PTK2B: variants seen among roughly 807,000 people sequenced by gnomAD.
PTK2B encodes the protein protein tyrosine kinase 2 beta.
A neutral mutation model predicts 142.9 loss-of-function variants in PTK2B; 71 were observed. The ratio of observed to expected loss-of-function variants is 0.50; its 90% confidence interval spans 0.41 to 0.61. The LOEUF (loss-of-function observed/expected upper bound fraction) is 0.61, where lower values mean the gene tolerates loss of function less well. PTK2B is among the 20% of genes least tolerant of loss of function. The pLI is 0.00. For synonymous variants in PTK2B, 519 were observed against 503.4 expected (o/e 1.03, Z -0.42); for missense variants, 1,105 against 1,320.4 (o/e 0.84, Z 2.53).
rs760981859 is a variant in PTK2B, at chr8:27,445,794, G to T, written c.2215G>T (p.Val739Phe). ...NLLAPKLQFQ[V>F]PEGLCASSPT... is the part of the protein sequence containing the mutation. The stretch of plus-strand genomic sequence containing the variant: ...GTGCTTCTTTGCTTTTCCTGAATAG[G>T]TTCCTGAGGGTCTGTGTGCCAGCTC... Residue 739 changes from valine (V) to phenylalanine (F), a missense_variant and splice_region_variant, in exon 24 of 31, where the codon GTT (valine) becomes TTT (phenylalanine). Transcript: ENST00000346049. The T allele has an allele frequency of 6.2e-7, 1 of 1,613,504 alleles. No homozygotes were observed.
At position 27,459,011 on chromosome 8, in the gene PTK2B, T is replaced by C; in HGVS notation, c.*502T>C. On this transcript the variant is annotated 3_prime_UTR_variant, in exon 31 of 31. Coordinates refer to ENST00000346049, the MANE Select transcript of PTK2B (RefSeq NM_173176.3). Reference sequence around the variant, plus strand: ...GCCTGGCATTCTTGTACAGTGTATATTGAAATTTATTTAATGTGAGTTTGG... The same window carrying C: ...GCCTGGCATTCTTGTACAGTGTATACTGAAATTTATTTAATGTGAGTTTGG... The C allele has an allele frequency of 7.4e-6, 2 of 268,606 alleles. No individual in the cohort carries two copies. The highest frequency in any genetic ancestry group is 5.5e-5 in the East Asian group (1 of 18,120). 16.6% of individuals were successfully genotyped at this position (268,606 alleles called of 1,614,324 possible).
At chr8:27,389,553 AC>A (rs942245039) in intron 1 of PTK2B, among the ~76,000 whole-genome samples, 44 of 151,852 alleles carry the variant, frequency 2.9e-4, no homozygotes, top group African/African-American at 1.1e-3. Flanking sequence ...GCCCCGCAAG[AC>A]CCCCCCAAGC....
intron 1 of PTK2B, among the ~76,000 whole-genome samples, chr8:27,325,907 A>G (rs1803382294): frequency 6.6e-6 from 1 of 152,074 alleles, no homozygotes; most frequent in African/African-American, 2.4e-5. Flanking sequence ...AGTAAATTTG[A>G]CACTATAGGG....
chr8:27,374,582 A>G (rs1189279093), intron 1 of PTK2B, among the ~76,000 whole-genome samples: 1 of 152,222 alleles, frequency 6.6e-6, no homozygotes, highest in African/African-American at 2.4e-5. Flanking sequence ...GCTCTCACAT[A>G]GGCACTGTCC....
At chr8:27,370,331 A>C (rs1461056433) in intron 1 of PTK2B, among the ~76,000 whole-genome samples, 2 of 152,214 alleles carry the variant, frequency 1.3e-5, no homozygotes, top group Admixed American at 6.5e-5. Flanking sequence ...CGGATACCAG[A>C]GGGTGGGAAG....
chr8:27,433,946 G>T, intron 11 of PTK2B, 147 bp from the exon 12 acceptor site: 1 of 1,112,138 alleles, frequency 9.0e-7, no homozygotes, highest in Non-Finnish European at 1.4e-6. Flanking sequence ...TCTGGCCCAA[G>T]GCCTCACTAG....
At chr8:27,349,423 T>G (rs1177174603) in intron 1 of PTK2B, among the ~76,000 whole-genome samples, 1 of 152,232 alleles carries the variant, frequency 6.6e-6, no homozygotes, top group Non-Finnish European at 1.5e-5. Flanking sequence ...CCGTTAAATA[T>G]CCTCTTCCTG....
At chr8:27,381,671 G>T (rs1586199645) in intron 1 of PTK2B, among the ~76,000 whole-genome samples, 1 of 152,294 alleles carries the variant, frequency 6.6e-6, no homozygotes, top group Middle Eastern at 3.4e-3. Context: ...ATCCCTAGTA[G>T]TGGGATTGCT....
intron 30 of PTK2B, among the ~76,000 whole-genome samples, chr8:27,455,638 A>G (rs1157263746): frequency 6.6e-6 from 1 of 152,260 alleles, no homozygotes; most frequent in Non-Finnish European, 1.5e-5. Flanking sequence ...GCCGCAGGCC[A>G]AGGAAGGCAG....
chr8:27,418,830 C>T (rs1050288830), intron 2 of PTK2B, among the ~76,000 whole-genome samples: 1 of 152,122 alleles, frequency 6.6e-6, no homozygotes, highest in Non-Finnish European at 1.5e-5. Flanking sequence ...GAGTTTGAGA[C>T]CAGCCTGGCC....
intron 1 of PTK2B, among the ~76,000 whole-genome samples, chr8:27,329,616 G>A (rs1803621808): frequency 6.6e-6 from 1 of 152,146 alleles, no homozygotes; most frequent in Non-Finnish European, 1.5e-5. Context: ...CGTGCCCGGG[G>A]CTGAAAGTGT....
At chr8:27,349,260 C>T (rs1186023948) in intron 1 of PTK2B, among the ~76,000 whole-genome samples, 1 of 152,120 alleles carries the variant, frequency 6.6e-6, no homozygotes, top group Non-Finnish European at 1.5e-5. Context: ...GTTTTTTGGT[C>T]TTAACTGTAT....
In PTK2B at chr8:27,450,858, A is replaced by G. The variant is rs1811759944; in HGVS notation, c.2450A>G (p.Glu817Gly). The G allele has an allele frequency of 6.2e-7, 1 of 1,614,076 alleles. No homozygotes were observed. Among genetic ancestry groups the G allele is most frequent in the Non-Finnish European group, 8.5e-7 (1 of 1,180,040 alleles). The change falls in exon 25 of 31, where the codon GAG becomes GGG. Residue 817 changes from glutamate (E) to glycine (G), a missense_variant. Physicochemically the swap from Glu to Gly is moderately conservative, Grantham distance 98. Transcript: ENST00000346049. ...GACAAACAGCAGAAGCAGATGGTGG[A>G]GGACTACCAGTGGCTCAGGCAGGAG... is the stretch of plus-strand genomic sequence containing the variant. ...ILDKQQKQMV[E>G]DYQWLRQEEK...
chr8:27,441,508 C>T (rs1811156039), intron 21 of PTK2B, among the ~76,000 whole-genome samples: 1 of 152,098 alleles, frequency 6.6e-6, no homozygotes, highest in Admixed American at 6.5e-5. Context: ...GATTTTAGGG[C>T]AAGTAAACAG....
chr8:27,335,212 C>T (rs1803986305), intron 1 of PTK2B, among the ~76,000 whole-genome samples: 1 of 152,236 alleles, frequency 6.6e-6, no homozygotes, highest in African/African-American at 2.4e-5. Flanking sequence ...TTTGCAAACA[C>T]TTGTTCGACA....
chr8:27,433,477 A>G lies in PTK2B; in HGVS notation c.1030A>G (p.Met344Val), dbSNP rs1252749491. ...KTSSLAEAEN[M>V]ADLIDGYCRL... ...CTCATCCCTAGCAGAGGCTGAGAAC[A>G]TGGCTGACCTCATAGACGGCTACTG... The change falls in exon 11 of 31, where the codon ATG (methionine) becomes GTG (valine). Residue 344 changes from methionine (M) to valine (V), a missense_variant. Coordinates refer to ENST00000346049, the MANE Select transcript of PTK2B (RefSeq NM_173176.3). The G allele has an allele frequency of 6.2e-7, 1 of 1,614,234 alleles. No homozygotes were observed. Among genetic ancestry groups the G allele is most frequent in the Non-Finnish European group, 8.5e-7 (1 of 1,180,028 alleles).
rs115479452 is a variant in PTK2B at position 27,413,421 on chromosome 8, T to C, written c.205-6474T>C. On this transcript the variant is annotated intron_variant, in intron 2 of 30. Coordinates refer to ENST00000346049, the MANE Select transcript of PTK2B (RefSeq NM_173176.3). ...TTCCTGTCTGATCCAGGAGCACACATTGCACTTAGCTGTCATATCCCTTTA... is the reference window on the plus strand; with the variant it reads ...TTCCTGTCTGATCCAGGAGCACACACTGCACTTAGCTGTCATATCCCTTTA... Among the ~76,000 whole-genome samples, 340 of 152,316 alleles carry C rather than the reference T, an allele frequency of 2.2e-3. 1 individual carries two copies. Among genetic ancestry groups the C allele is most frequent in the African/African-American group, 7.6e-3 (316 of 41,570 alleles).
chr8:27,414,115 A>G (rs1308386754), intron 2 of PTK2B, among the ~76,000 whole-genome samples: 1 of 152,202 alleles, frequency 6.6e-6, no homozygotes, highest in Non-Finnish European at 1.5e-5. Flanking sequence ...CGTTCCAGGC[A>G]CATCTTGTAC....
At chr8:27,319,785 A>C (rs747744223) in intron 3 of PTK2B, among the ~76,000 whole-genome samples, 1 of 152,208 alleles carries the variant, frequency 6.6e-6, no homozygotes, top group East Asian at 1.9e-4. Flanking sequence ...CATTTTATAC[A>C]TGAGAAAATT....
Sources: allele counts gnomAD v4.1 joint callset (sites outside exome capture counted in the v4.1 genomes callset), GRCh38; gene constraint gnomAD v4.1.1; transcripts MANE v1.5; gene names NCBI Gene and HGNC (gene_info 2026-07-23, HGNC 2026-07-21).